The following CYREN variants were observed in gnomAD, a reference collection of about 807,000 sequenced individuals.
CYREN encodes the protein cell cycle regulator of non-homologous end joining.
Under a neutral mutation model 9.7 loss-of-function variants are expected in CYREN, and 7 were observed. The ratio of observed to expected loss-of-function variants is 0.72; its 90% CI spans 0.41 to 1.36. The LOEUF (loss-of-function observed/expected upper bound fraction) is 1.36, where lower values mean the gene tolerates loss of function less well. Ranked by LOEUF, CYREN falls within the 40% of genes most tolerant of loss-of-function variation. CYREN has a pLI of 0.01. For synonymous variants in CYREN, 76 were observed against 77.9 expected (o/e 0.98, Z 0.13); for missense variants, 215 against 198.1 (o/e 1.09, Z -0.51).
intron 2 of CYREN, among the ~76,000 whole-genome samples, chr7:135,122,724 C>T (rs1453656589): frequency 3.3e-5 from 5 of 152,126 alleles, no homozygotes; most frequent in Non-Finnish European, 5.9e-5. Flanking sequence ...TGAGTGACAT[C>T]TCCAGGCCCA....
At chr7:135,121,146 G>A (rs12536035) in intron 2 of CYREN, among the ~76,000 whole-genome samples, 36,225 of 151,940 alleles carry the variant, frequency 0.24, 5,359 homozygotes, top group South Asian at 0.42. Context: ...TGGAGGTTGC[G>A]GTGAGCCAAG....
intron 2 of CYREN, among the ~76,000 whole-genome samples, chr7:135,112,813 T>C (rs967693479): frequency 1.3e-5 from 2 of 152,216 alleles, no homozygotes; most frequent in African/African-American, 4.8e-5. Context: ...TTGATTGCTC[T>C]GTCACACAGG....
chr7:135,137,506 AACG>A (rs1477822877), intron 2 of CYREN, among the ~76,000 whole-genome samples: 16 of 151,972 alleles, frequency 1.1e-4, no homozygotes, highest in African/African-American at 3.4e-4. Context: ...TCTCAAAATG[AACG>A]ACACCAAACC....
intron 2 of CYREN, among the ~76,000 whole-genome samples, chr7:135,099,727 C>T (rs758389676): frequency 6.6e-6 from 1 of 152,098 alleles, no homozygotes; most frequent in Non-Finnish European, 1.5e-5. Context: ...TACATAGTAT[C>T]TGTGACTAGG....
At chr7:135,149,344 G>A (rs1829616404) in intron 2 of CYREN, among the ~76,000 whole-genome samples, 1 of 151,986 alleles carries the variant, frequency 6.6e-6, no homozygotes, top group African/African-American at 2.4e-5. Context: ...TTATATGGAT[G>A]TAGTCACACT....
chr7:135,130,000 T>C (rs1828502207), intron 2 of CYREN, among the ~76,000 whole-genome samples: 1 of 152,218 alleles, frequency 6.6e-6, no homozygotes, highest in South Asian at 2.1e-4. Flanking sequence ...CCCCAAGCTT[T>C]ACATAAGGAG....
At chr7:135,137,452 A>G (rs1043500668) in intron 2 of CYREN, among the ~76,000 whole-genome samples, 1 of 152,060 alleles carries the variant, frequency 6.6e-6, no homozygotes, top group Non-Finnish European at 1.5e-5. Flanking sequence ...AGTAAAGGAA[A>G]AAAAGGAACA....
chr7:135,126,359 A>G (rs1001118114), intron 2 of CYREN, among the ~76,000 whole-genome samples: 6 of 152,238 alleles, frequency 3.9e-5, no homozygotes, highest in Non-Finnish European at 5.9e-5. Flanking sequence ...CTCTTCAAGG[A>G]GAACTACAGA....
At chr7:135,104,068 A>G (rs1824271783) in intron 2 of CYREN, among the ~76,000 whole-genome samples, 1 of 150,908 alleles carries the variant, frequency 6.6e-6, no homozygotes, top group Admixed American at 6.6e-5. Context: ...CCCTCCTCCC[A>G]CCCTTCACCC....
At chr7:135,143,350 C>T (rs1439076063) in intron 2 of CYREN, among the ~76,000 whole-genome samples, 1 of 152,244 alleles carries the variant, frequency 6.6e-6, no homozygotes, top group Admixed American at 6.5e-5. Context: ...GGAGCAAAGG[C>T]AATACAATGA....
chr7:135,098,053 CATG>C (rs2116993419), intron 2 of CYREN, among the ~76,000 whole-genome samples: 1 of 152,216 alleles, frequency 6.6e-6, no homozygotes, highest in Admixed American at 6.5e-5. Context: ...GGAGACCCTA[CATG>C]ATGAATTTAT....
At chr7:135,146,894 A>G (rs1779738990) in intron 2 of CYREN, among the ~76,000 whole-genome samples, 1 of 152,222 alleles carries the variant, frequency 6.6e-6, no homozygotes. Flanking sequence ...GGTACATGAT[A>G]ACCTTGAATA....
intron 3 of CYREN, 82 bp from the exon 4 acceptor site, chr7:135,166,953 T>A (rs967867549): frequency 7.1e-6 from 11 of 1,548,258 alleles, no homozygotes; most frequent in Non-Finnish European, 9.6e-6. Context: ...ACAGGATGTA[T>A]CTAGAAGCAA....
intron 1 of CYREN, among the ~76,000 whole-genome samples, chr7:135,170,020 A>G (rs1480666155): frequency 6.6e-6 from 1 of 152,228 alleles, no homozygotes; most frequent in East Asian, 1.9e-4. Flanking sequence ...GCGCCTCCCA[A>G]GCGCAATGCT....
At chr7:135,171,716 T>G (rs1192637871), upstream of CYREN, among the ~76,000 whole-genome samples, 1 of 151,906 alleles carries the variant, frequency 6.6e-6, no homozygotes, top group African/African-American at 2.4e-5. Flanking sequence ...GTCTGAGAGG[T>G]TTTGTCTGTG....
downstream of CYREN, chr7:135,164,955 CCT>C (rs1224472400): frequency 1.2e-6 from 2 of 1,608,992 alleles, no homozygotes; most frequent in African/African-American, 2.7e-5. Flanking sequence ...GGCTGTGTTC[CCT>C]CTGAGGGCTG....
At chr7:135,099,701 A>T (rs911255422) in intron 2 of CYREN, among the ~76,000 whole-genome samples, 2 of 152,062 alleles carry the variant, frequency 1.3e-5, no homozygotes, top group African/African-American at 4.8e-5. Context: ...TGCTAATCAG[A>T]TGTCTCCTCA....
intron 2 of CYREN, among the ~76,000 whole-genome samples, chr7:135,134,435 T>C (rs901250556): frequency 6.6e-6 from 1 of 152,078 alleles, no homozygotes; most frequent in East Asian, 1.9e-4. Flanking sequence ...TTACTGGTTA[T>C]AGAAAAAAAT....
At chr7:135,125,916 T>A (rs1192706469) in intron 2 of CYREN, among the ~76,000 whole-genome samples, 1 of 152,156 alleles carries the variant, frequency 6.6e-6, no homozygotes, top group African/African-American at 2.4e-5. Context: ...GAGCTATTTA[T>A]GACAATATAT....
Sources: allele counts gnomAD v4.1 joint callset (sites outside exome capture counted in the v4.1 genomes callset), GRCh38; gene constraint gnomAD v4.1.1; transcripts MANE v1.5; gene names NCBI Gene and HGNC (gene_info 2026-07-23, HGNC 2026-07-21).